NAALADL2: variants seen among roughly 807,000 people sequenced by gnomAD.
The protein encoded by NAALADL2 is inactive N-acetylated-alpha-linked acidic dipeptidase-like protein 2.
In NAALADL2, 76 loss-of-function variants were observed where a neutral mutation model predicts 87.2. The observed-to-expected ratio is 0.87, with a 90% confidence interval of 0.72 to 1.05. The LOEUF is 1.05. Among genes scored for constraint, NAALADL2 ranks in the 50% least tolerant of loss-of-function variants. The probability of loss-of-function intolerance (pLI) is 0.00; values close to 1 mark genes in which losing one functional copy is unlikely to be tolerated. For synonymous variants in NAALADL2, 354 were observed against 331.0 expected (o/e 1.07, Z -0.75); for missense variants, 1,089 against 945.8 (o/e 1.15, Z -1.99).
intron 2 of NAALADL2, among the ~76,000 whole-genome samples, chr3:175,184,105 T>G (rs1218152642): frequency 6.6e-6 from 1 of 152,250 alleles, no homozygotes. Flanking sequence ...TGATGATGTC[T>G]CTCCATGTTC....
At chr3:174,963,204 A>G (rs1193551838) in intron 1 of NAALADL2, among the ~76,000 whole-genome samples, 1 of 152,172 alleles carries the variant, frequency 6.6e-6, no homozygotes, top group Non-Finnish European at 1.5e-5. Context: ...AACTGAAGGT[A>G]TTAGAAAACT....
chr3:174,903,061 G>A (rs907630849), intron 1 of NAALADL2, among the ~76,000 whole-genome samples: 1 of 151,950 alleles, frequency 6.6e-6, no homozygotes, highest in Non-Finnish European at 1.5e-5. Context: ...AATTTCTCAA[G>A]TTTTCCCCCC....
chr3:174,760,736 G>T (rs963156701), intron 3 of NAALADL2, among the ~76,000 whole-genome samples: 1 of 152,162 alleles, frequency 6.6e-6, no homozygotes, highest in African/African-American at 2.4e-5. Flanking sequence ...GCTGTGACTC[G>T]GAGTTGGTAA....
At chr3:175,433,677 A>T (rs1047792325) in intron 5 of NAALADL2, among the ~76,000 whole-genome samples, 7 of 152,074 alleles carry the variant, frequency 4.6e-5, no homozygotes, top group African/African-American at 1.7e-4. Flanking sequence ...GCATTACCTT[A>T]GACTTTTATC....
intron 5 of NAALADL2, among the ~76,000 whole-genome samples, chr3:175,333,977 A>T (rs1253807293): frequency 6.6e-6 from 1 of 152,178 alleles, no homozygotes; most frequent in Non-Finnish European, 1.5e-5. Flanking sequence ...TATCATTAAG[A>T]AATAACAATA....
At chr3:174,448,526 A>G (rs189629690) in intron 1 of NAALADL2, among the ~76,000 whole-genome samples, 2 of 152,258 alleles carry the variant, frequency 1.3e-5, no homozygotes, top group Admixed American at 6.5e-5. Context: ...GAAATACTGT[A>G]TTATTTTTAG....
intron 2 of NAALADL2, among the ~76,000 whole-genome samples, chr3:174,647,937 C>T (rs1204094211): frequency 6.6e-6 from 1 of 152,124 alleles, no homozygotes. Context: ...AATAAAAAAA[C>T]TTTACTGTGA....
At chr3:174,740,402 A>G (rs1481180041) in intron 3 of NAALADL2, among the ~76,000 whole-genome samples, 1 of 151,980 alleles carries the variant, frequency 6.6e-6, no homozygotes, top group Non-Finnish European at 1.5e-5. Flanking sequence ...TCCATTTAAC[A>G]TAAATTCACC....
chr3:174,793,855 T>C (rs1717758731), intron 3 of NAALADL2, among the ~76,000 whole-genome samples: 2 of 151,868 alleles, frequency 1.3e-5, no homozygotes, highest in Non-Finnish European at 2.9e-5. Flanking sequence ...ACTAACTGCA[T>C]GCTTTTATAT....
chr3:174,620,462 A>C (rs906436251), intron 2 of NAALADL2, among the ~76,000 whole-genome samples: 5 of 151,806 alleles, frequency 3.3e-5, no homozygotes, highest in African/African-American at 1.2e-4. Context: ...TCAACTGGCT[A>C]CTAAGTTAAT....
intron 2 of NAALADL2, among the ~76,000 whole-genome samples, chr3:174,651,971 G>A (rs1724402858): frequency 6.6e-6 from 1 of 152,140 alleles, no homozygotes; most frequent in Non-Finnish European, 1.5e-5. Context: ...CACACTAGAA[G>A]CTTGTCCCAT....
At chr3:175,316,168 T>C (rs143038081) in intron 4 of NAALADL2, among the ~76,000 whole-genome samples, 2 of 152,260 alleles carry the variant, frequency 1.3e-5, no homozygotes, top group African/African-American at 4.8e-5. Flanking sequence ...CTGAATTGTT[T>C]CCCCTACTAA....
rs146277977 is a variant in NAALADL2, at chr3:175,467,055, A to G, written c.1404A>G (p.Ala468=). The G allele has an allele frequency of 5.6e-6, 9 of 1,613,892 alleles. No individual in the cohort carries two copies. The highest frequency in any genetic ancestry group is 5.0e-5 in the Admixed American group (3 of 60,010). Residue 468 remains alanine (A), a synonymous_variant, in exon 8 of 14, where the codon GCA becomes GCG. Coordinates refer to ENST00000454872, the MANE Select transcript of NAALADL2 (RefSeq NM_207015.3). ...GACAAGAATGGGCCAGTAGTACTGC[A>G]ATAATCACAGCGTTTATCCGTGCCT... ...YNGQEWASST[A]IITAFIRALM...
At chr3:174,952,239 T>C (rs1265534376) in intron 1 of NAALADL2, among the ~76,000 whole-genome samples, 1 of 152,134 alleles carries the variant, frequency 6.6e-6, no homozygotes, top group Non-Finnish European at 1.5e-5. Context: ...TTAAAGTAGG[T>C]TGTCTTATAT....
chr3:175,414,192 T>G (rs2149099964), intron 5 of NAALADL2, among the ~76,000 whole-genome samples: 1 of 152,310 alleles, frequency 6.6e-6, no homozygotes, highest in East Asian at 1.9e-4. Context: ...TAGCTATAGT[T>G]TGCCAATCAG....
chr3:175,563,635 T>A (rs530786223), intron 9 of NAALADL2, among the ~76,000 whole-genome samples: 1 of 152,250 alleles, frequency 6.6e-6, no homozygotes, highest in South Asian at 2.1e-4. Context: ...ATTGTGCTGA[T>A]CAATATAGGG....
intron 2 of NAALADL2, among the ~76,000 whole-genome samples, chr3:175,130,456 C>T (rs1727650346): frequency 6.6e-6 from 1 of 152,098 alleles, no homozygotes; most frequent in Non-Finnish European, 1.5e-5. Flanking sequence ...ATGTTTTCTT[C>T]TAGGAGTTTA....
chr3:175,146,045 A>G (rs1202962541), intron 2 of NAALADL2, among the ~76,000 whole-genome samples: 4 of 152,136 alleles, frequency 2.6e-5, no homozygotes, highest in Admixed American at 2.6e-4. Context: ...TCACTGTAGA[A>G]AATGTGACAC....
intron 1 of NAALADL2, among the ~76,000 whole-genome samples, chr3:174,517,391 T>C (rs543991106): frequency 1.3e-5 from 2 of 152,100 alleles, no homozygotes; most frequent in Non-Finnish European, 2.9e-5. Context: ...TATTTGCTTA[T>C]TAGATTTAAT....
Sources: gnomAD v4.1 joint callset for allele counts (sites outside exome capture counted in the v4.1 genomes callset) on GRCh38, gnomAD v4.1.1 for gene constraint, MANE v1.5 for transcripts, NCBI Gene and HGNC (gene_info 2026-07-23, HGNC 2026-07-21) for gene names.